The following ORC2 variants were observed in gnomAD, a reference collection of about 807,000 sequenced individuals.
The protein encoded by ORC2 is origin recognition complex protein 2 homolog.
Under a neutral mutation model 77.7 loss-of-function variants are expected in ORC2, and 37 were observed. That is an observed-to-expected ratio of 0.48 (90% CI 0.37 to 0.63). ORC2 has a LOEUF of 0.63. Ranked by LOEUF, ORC2 falls within the 20% of genes least tolerant of loss-of-function variation. ORC2 has a pLI of 0.00. For synonymous variants in ORC2, 201 were observed against 229.5 expected (o/e 0.88, Z 1.12); for missense variants, 557 against 661.9 (o/e 0.84, Z 1.74).
intron 10 of ORC2, among the ~76,000 whole-genome samples, chr2:200,932,442 C>T (rs1422875498): frequency 1.3e-5 from 2 of 150,402 alleles, no homozygotes; most frequent in Middle Eastern, 3.5e-3. Flanking sequence ...CAGGTTCAAG[C>T]GATTCTCCTG....
chr2:200,918,709 G>A (rs980513102), intron 15 of ORC2, among the ~76,000 whole-genome samples: 28 of 151,872 alleles, frequency 1.8e-4, no homozygotes, highest in African/African-American at 5.8e-4. Flanking sequence ...GGATAGTCTC[G>A]AACTCCTGAC....
At chr2:200,924,617 T>C (rs2124954783) in intron 13 of ORC2, among the ~76,000 whole-genome samples, 1 of 152,342 alleles carries the variant, frequency 6.6e-6, no homozygotes, top group African/African-American at 2.4e-5. Flanking sequence ...GGCAATTAAC[T>C]GTTAGAGACT....
chr2:200,921,544 TA>T (rs1231463512), intron 13 of ORC2: 1 of 152,592 alleles, frequency 6.6e-6, no homozygotes, highest in Non-Finnish European at 1.5e-5. Context: ...AATGATTGCT[TA>T]GGGGTATGTA....
chr2:200,953,721 T>C (rs979383694), intron 4 of ORC2, among the ~76,000 whole-genome samples: 1 of 152,188 alleles, frequency 6.6e-6, no homozygotes, highest in South Asian at 2.1e-4. Context: ...ATTTCAGTTT[T>C]GTACAATGAG....
At chr2:200,923,760 A>T (rs1045795480) in intron 13 of ORC2, among the ~76,000 whole-genome samples, 1 of 152,188 alleles carries the variant, frequency 6.6e-6, no homozygotes, top group Non-Finnish European at 1.5e-5. Flanking sequence ...CCAACAAAAA[A>T]GCAGAAAAAT....
chr2:200,957,629 T>C (rs947225728), intron 3 of ORC2, 85 bp from the exon 4 acceptor site: 2 of 1,008,962 alleles, frequency 2.0e-6, no homozygotes, highest in Non-Finnish European at 2.7e-6. Context: ...ATAATATTTA[T>C]ATTGTCATTA....
chr2:200,940,166 T>C (rs1459296468), intron 7 of ORC2, among the ~76,000 whole-genome samples: 1 of 152,230 alleles, frequency 6.6e-6, no homozygotes, highest in Admixed American at 6.5e-5. Flanking sequence ...TCAACCTTGA[T>C]ATTATCACAC....
intron 4 of ORC2, among the ~76,000 whole-genome samples, chr2:200,953,819 T>G (rs191660577): frequency 5.9e-5 from 9 of 152,214 alleles, no homozygotes; most frequent in Admixed American, 5.9e-4. Flanking sequence ...GATGCTAAGC[T>G]TTTTTGTGTG....
At chr2:200,949,499 A>T in intron 5 of ORC2, 55 bp downstream of exon 5, 2 of 952,274 alleles carry the variant, frequency 2.1e-6, no homozygotes, top group Non-Finnish European at 3.4e-6. Flanking sequence ...GAATGTGGTT[A>T]AATCTACCTT....
At chr2:200,957,571 C>T in intron 3 of ORC2, 27 bp from the exon 4 acceptor site, 3 of 1,526,682 alleles carry the variant, frequency 2.0e-6, no homozygotes, top group South Asian at 1.3e-5. Flanking sequence ...AGAAATAGAG[C>T]ATGACAGGTA....
rs750844294 is a variant in ORC2, at chr2:200,931,336, T to C, written c.917+3A>G. On this transcript the variant is annotated splice_donor_region_variant and intron_variant, in intron 11 of 17. Coordinates refer to ENST00000234296, the MANE Select transcript of ORC2 (RefSeq NM_006190.5). ...TACAAGGGTTTGTAATGATAATACT[T>C]ACTGTAATTGCAGCATCCATTTATG... is the stretch of plus-strand genomic sequence containing the variant. 2.6e-6 allele frequency: 3 copies of C among 1,170,336 alleles called. No individual in the cohort carries two copies. The highest frequency in any genetic ancestry group is 1.4e-5 in the South Asian group (1 of 69,442). The allele number at this position is 1,170,336 out of a possible 1,614,324, so 72.5% of individuals were successfully genotyped here. A position where few individuals can be genotyped will look rare whatever the true frequency, so the allele number is the denominator to read the frequency against.
At position 200,937,849 on chromosome 2, in the gene ORC2, T is replaced by C. The variant is rs2041075750; in HGVS notation, c.514+57A>G. Reference sequence around the variant, plus strand: ...CTAGAACCTATATACTTAACTATTATTGCCTCTTGTTTAGATGCTACTTTT... The same window carrying C: ...CTAGAACCTATATACTTAACTATTACTGCCTCTTGTTTAGATGCTACTTTT... On this transcript the variant is annotated intron_variant, in intron 8 of 17. Transcript: ENST00000234296. 3 of 1,138,904 alleles carry C rather than the reference T, an allele frequency of 2.6e-6. No individual in the cohort carries two copies. The African/African-American group carries it at 4.6e-5, about 18-fold the overall frequency. The allele number at this position is 1,138,904 out of a possible 1,614,324, so 70.5% of individuals were successfully genotyped here.
chr2:200,920,484 T>A, intron 14 of ORC2, 91 bp from the exon 15 acceptor site: 1 of 1,062,560 alleles, frequency 9.4e-7, no homozygotes, highest in Non-Finnish European at 1.3e-6. Context: ...GAGAAAGGAT[T>A]AAATAAAAAT....
chr2:200,942,139 T>A (rs1354191437), intron 6 of ORC2, among the ~76,000 whole-genome samples: 1 of 152,048 alleles, frequency 6.6e-6, no homozygotes, highest in African/African-American at 2.4e-5. Flanking sequence ...GCTGTAATTG[T>A]GCCTGTGAAT....
intron 2 of ORC2, among the ~76,000 whole-genome samples, chr2:200,958,425 T>C (rs961729883): frequency 6.6e-6 from 1 of 152,038 alleles, no homozygotes; most frequent in Non-Finnish European, 1.5e-5. Flanking sequence ...AGAAAAACAA[T>C]TTTAAGTTTT....
chr2:200,957,265 G>A, intron 4 of ORC2, 136 bp downstream of exon 4: 1 of 596,472 alleles, frequency 1.7e-6, no homozygotes, highest in Non-Finnish European at 2.8e-6. Flanking sequence ...TGGAGAAATT[G>A]AAGCAAATGC....
chr2:200,946,611 A>G (rs544324925), intron 5 of ORC2, among the ~76,000 whole-genome samples: 1 of 152,364 alleles, frequency 6.6e-6, no homozygotes, highest in African/African-American at 2.4e-5. Context: ...TGAGGATAAT[A>G]TTCCAGTTTT....
chr2:200,939,353 C>T (rs1240197997), intron 7 of ORC2, among the ~76,000 whole-genome samples: 1 of 152,186 alleles, frequency 6.6e-6, no homozygotes, highest in African/African-American at 2.4e-5. Context: ...AAAATAACCA[C>T]TGCAGAAAAT....
chr2:200,937,314 C>T (rs762427796), intron 8 of ORC2, among the ~76,000 whole-genome samples: 36 of 152,292 alleles, frequency 2.4e-4, no homozygotes, highest in Admixed American at 5.9e-4. Flanking sequence ...TATACCAAAT[C>T]ATTTAGCATT....
Sources: gnomAD v4.1 joint callset for allele counts (sites outside exome capture counted in the v4.1 genomes callset) on GRCh38, gnomAD v4.1.1 for gene constraint, MANE v1.5 for transcripts, NCBI Gene and HGNC (gene_info 2026-07-23, HGNC 2026-07-21) for gene names.